Variants in TBPL2 observed in about 807,000 individuals in gnomAD.
The protein encoded by TBPL2 is TATA-box binding protein like 2, also known as TATA box-binding protein-like 2.
TBPL2 carries 40 observed loss-of-function variants against 38.2 expected under a neutral mutation model. The ratio of observed to expected loss-of-function variants is 1.05; its 90% confidence interval spans 0.81 to 1.36. The LOEUF is 1.36. TBPL2 is among the 40% of genes most tolerant of loss of function. The pLI, the probability that TBPL2 is intolerant of heterozygous loss-of-function variation, is 0.00. For missense variants in TBPL2, 461 were observed against 456.7 expected (o/e 1.01, Z -0.09); for synonymous variants, 169 against 171.7 (o/e 0.98, Z 0.12).
Position 55,433,755 on chromosome 14 carries a change from G to A in TBPL2, c.697-34C>T, listed in dbSNP as rs375390656. ...AGAAACCAAAAGAGAATTAGCCTCT[G>A]CTAGGAGTTAACATTATCCCAGTTG... On this transcript the variant is annotated intron_variant, in intron 3 of 6. Transcript: ENST00000247219. 9.4e-6 allele frequency: 15 copies of A among 1,594,192 alleles called. No homozygotes were observed. In the African/African-American group the frequency reaches 1.5e-4, roughly 16 times the overall value.
At chr14:55,423,922 TA>T (rs1295585322) in intron 6 of TBPL2, among the ~76,000 whole-genome samples, 1 of 152,222 alleles carries the variant, frequency 6.6e-6, no homozygotes, top group South Asian at 2.1e-4. Flanking sequence ...GATAATTCTG[TA>T]AAAAAATCAG....
At chr14:55,432,682 G>A (rs567277271) in intron 4 of TBPL2, among the ~76,000 whole-genome samples, 1 of 152,132 alleles carries the variant, frequency 6.6e-6, no homozygotes, top group Non-Finnish European at 1.5e-5. Context: ...AAAGAATATC[G>A]ACACCCAGTG....
At chr14:55,414,889 A>G (rs999261983) in intron 6 of TBPL2, among the ~76,000 whole-genome samples, 1 of 152,236 alleles carries the variant, frequency 6.6e-6, no homozygotes. Flanking sequence ...ATTTGTTTTA[A>G]ATTTTAGTTT....
chr14:55,437,606 C>T lies in TBPL2; in HGVS notation c.151-588G>A, dbSNP rs186525728. 1.5e-4 allele frequency among the ~76,000 whole-genome samples: 23 copies of T among 152,356 alleles called. 4 individuals are homozygous for T. The highest frequency in any genetic ancestry group is 1.1e-3 in the Admixed American group (17 of 15,302). Reference sequence around the variant, plus strand: ...TAGATCTCTAGTAAGTTGCCACTCTCTAAGTCCAATTTTGCAATAGAGGCA... The same window carrying T: ...TAGATCTCTAGTAAGTTGCCACTCTTTAAGTCCAATTTTGCAATAGAGGCA... On this transcript the variant is annotated intron_variant, in intron 1 of 6. Coordinates refer to ENST00000247219, the Ensembl canonical transcript of TBPL2.
At chr14:55,433,677 T>C in exon 4 of TBPL2, 1 of 1,614,162 alleles carries the variant, frequency 6.2e-7, no homozygotes, top group Non-Finnish European at 8.5e-7. Flanking sequence ...ATATAAGGGC[T>C]GTTGTCCTGG....
intron 6 of TBPL2, among the ~76,000 whole-genome samples, chr14:55,414,882 TG>T (rs1187234146): frequency 2.0e-5 from 3 of 152,246 alleles, no homozygotes; most frequent in Non-Finnish European, 4.4e-5. Flanking sequence ...GCTTTAAATT[TG>T]TTTTAAATTT....
At chr14:55,429,076 A>T in intron 4 of TBPL2, 102 bp from the exon 5 acceptor site, 1 of 1,399,254 alleles carries the variant, frequency 7.1e-7, no homozygotes, top group South Asian at 1.3e-5. Flanking sequence ...TTTATCTTTC[A>T]ATGTATACTA....
At chr14:55,439,611 CA>C (rs201497673) in intron 1 of TBPL2, among the ~76,000 whole-genome samples, 2 of 89,628 alleles carry the variant, frequency 2.2e-5, no homozygotes, top group African/African-American at 1.1e-4. Context: ...GGGAGAAAAG[CA>C]AACCCCCCCC....
chr14:55,422,797 G>C (rs987315863), intron 6 of TBPL2, among the ~76,000 whole-genome samples: 8 of 152,126 alleles, frequency 5.3e-5, no homozygotes, highest in Non-Finnish European at 1.0e-4. Context: ...AGGTTGCAGT[G>C]AGCTGAGATC....
chr14:55,437,095 G>C (rs1171888322), intron 1 of TBPL2, 77 bp from the exon 2 acceptor site: 2 of 1,222,672 alleles, frequency 1.6e-6, no homozygotes, highest in Non-Finnish European at 2.4e-6. Flanking sequence ...TGTCACTATG[G>C]CAGGCAGGCA....
At chr14:55,419,662 G>A (rs1169587185) in intron 6 of TBPL2, among the ~76,000 whole-genome samples, 1 of 152,162 alleles carries the variant, frequency 6.6e-6, no homozygotes, top group Non-Finnish European at 1.5e-5. Context: ...CCTTAGACAT[G>A]GTGGCTGTAG....
At chr14:55,424,480 A>G (rs188306527) in intron 5 of TBPL2, among the ~76,000 whole-genome samples, 71 of 152,330 alleles carry the variant, frequency 4.7e-4, no homozygotes, top group Non-Finnish European at 8.1e-4. Flanking sequence ...AGTGCAAGCT[A>G]TCCTGGATGG....
chr14:55,436,029 A>AGC (rs1886007941), intron 2 of TBPL2, 95 bp from the exon 3 acceptor site: 1 of 712,920 alleles, frequency 1.4e-6, no homozygotes, highest in African/African-American at 1.9e-5. Flanking sequence ...GTTATACCTT[A>AGC]GCAATTTCCT....
intron 6 of TBPL2, among the ~76,000 whole-genome samples, chr14:55,420,925 G>A (rs1030825032): frequency 6.6e-6 from 1 of 151,988 alleles, no homozygotes; most frequent in Non-Finnish European, 1.5e-5. Context: ...GCTGGGCATA[G>A]TGGCAGGTGC....
chr14:55,430,112 C>T (rs1460911291), intron 4 of TBPL2, among the ~76,000 whole-genome samples: 4 of 152,140 alleles, frequency 2.6e-5, no homozygotes, highest in African/African-American at 9.7e-5. Flanking sequence ...GGTGAGGCTT[C>T]ATTTCTCCTT....
chr14:55,419,777 A>G (rs1885716083), intron 6 of TBPL2, among the ~76,000 whole-genome samples: 1 of 152,232 alleles, frequency 6.6e-6, no homozygotes, highest in South Asian at 2.1e-4. Context: ...CATCTGTACT[A>G]TGGGCATTGG....
In TBPL2 at chr14:55,440,483, G is replaced by T; in HGVS notation, c.63C>A (p.Tyr21Ter). The T allele has an allele frequency of 6.2e-7, 1 of 1,612,314 alleles. No individual in the cohort carries two copies. Among genetic ancestry groups the T allele is most frequent in the East Asian group, 2.2e-5 (1 of 44,850 alleles). ...ATCCCACTGTTGGGGGTGGGGGCGGGTAAGAGGGTAAGCGCGGAGCGAGCA... is the reference window on the plus strand; with the variant it reads ...ATCCCACTGTTGGGGGTGGGGGCGGTTAAGAGGGTAAGCGCGGAGCGAGCA... The change falls in exon 1 of 7, where the codon TAC becomes TAA. Residue 21 changes from tyrosine (Y) to a stop codon, truncating the protein, a stop_gained. An upstream open reading frame in the 5' UTR gains an earlier in-frame stop. Coordinates refer to ENST00000247219, the Ensembl canonical transcript of TBPL2. LOFTEE classifies it high-confidence loss of function.
At chr14:55,418,829 G>A (rs978316590) in intron 6 of TBPL2, among the ~76,000 whole-genome samples, 1 of 152,186 alleles carries the variant, frequency 6.6e-6, no homozygotes, top group Non-Finnish European at 1.5e-5. Flanking sequence ...AAAAAACCAG[G>A]AGAGTGTGTT....
At chr14:55,431,561 TAC>T (rs1263226429) in intron 4 of TBPL2, among the ~76,000 whole-genome samples, 1 of 152,232 alleles carries the variant, frequency 6.6e-6, no homozygotes, top group Non-Finnish European at 1.5e-5. Flanking sequence ...TGAACATTAT[TAC>T]AGACATCTTG....
Sources: gnomAD v4.1 joint callset for allele counts (sites outside exome capture counted in the v4.1 genomes callset) on GRCh38, gnomAD v4.1.1 for gene constraint, MANE v1.5 for transcripts, NCBI Gene and HGNC (gene_info 2026-07-23, HGNC 2026-07-21) for gene names.